The following KCNH1 variants were observed in gnomAD, a reference collection of about 807,000 sequenced individuals.
KCNH1 encodes potassium voltage-gated channel subfamily H member 1, also known as voltage-gated delayed rectifier potassium channel KCNH1.
In KCNH1, 27 loss-of-function variants were observed where a neutral mutation model predicts 69.2. That is an observed-to-expected ratio of 0.39 (90% CI 0.29 to 0.54). The LOEUF is 0.54. Ranked by LOEUF, KCNH1 falls within the 20% of genes least tolerant of loss-of-function variation. KCNH1 has a pLI of 0.68. For synonymous variants in KCNH1, 456 were observed against 487.7 expected (o/e 0.93, Z 0.86); for missense variants, 798 against 1,261.6 (o/e 0.63, Z 5.57).
intron 7 of KCNH1, among the ~76,000 whole-genome samples, chr1:210,831,966 A>AT (rs1013980635): frequency 7.5e-5 from 8 of 107,262 alleles, no homozygotes; most frequent in Admixed American, 1.8e-4. Flanking sequence ...CTGAGGAACA[A>AT]TTTTTTTTAT....
intron 5 of KCNH1, among the ~76,000 whole-genome samples, chr1:211,030,622 A>G (rs1036084509): frequency 3.9e-5 from 6 of 152,136 alleles, no homozygotes; most frequent in African/African-American, 1.4e-4. Flanking sequence ...TGGATTGTGG[A>G]CTTAAATATA....
rs534382322 is a variant in KCNH1, at chr1:211,056,005, G to C, written c.558+26775C>G. On this transcript the variant is annotated intron_variant, in intron 5 of 10. Coordinates refer to ENST00000271751, the MANE Select transcript of KCNH1 (RefSeq NM_172362.3). ...GAACATATCCAGCTGTGGTGGCTAT[G>C]GGGAGAGTCTCCTTTTGCTTGAGGA... is the stretch of plus-strand genomic sequence containing the variant. Among the ~76,000 whole-genome samples, 41 of 152,270 alleles carry C rather than the reference G, an allele frequency of 2.7e-4. No individual in the cohort carries two copies. The East Asian group carries it at 4.5e-3, about 17-fold the overall frequency.
chr1:210,895,126 A>G (rs1194990536), intron 7 of KCNH1, among the ~76,000 whole-genome samples: 1 of 145,982 alleles, frequency 6.9e-6, no homozygotes, highest in Non-Finnish European at 1.5e-5. Context: ...GTATTGTTTT[A>G]TATATTTTGT....
intron 7 of KCNH1, among the ~76,000 whole-genome samples, chr1:210,819,147 A>T (rs2102423849): frequency 6.6e-6 from 1 of 151,562 alleles, no homozygotes; most frequent in East Asian, 1.9e-4. Flanking sequence ...CTAATGATTT[A>T]AAAAAAAATA....
At chr1:210,839,126 A>C (rs1685352463) in intron 7 of KCNH1, among the ~76,000 whole-genome samples, 1 of 152,246 alleles carries the variant, frequency 6.6e-6, no homozygotes, top group African/African-American at 2.4e-5. Context: ...TCATTGCAGC[A>C]GCATTCACAA....
intron 4 of KCNH1, 130 bp downstream of exon 4, chr1:211,090,432 T>G: frequency 1.3e-6 from 1 of 757,896 alleles, no homozygotes; most frequent in Non-Finnish European, 2.1e-6. Flanking sequence ...TGCTTTGCTC[T>G]ATACAAATTA....
At chr1:211,057,008 G>A (rs946816641) in intron 5 of KCNH1, among the ~76,000 whole-genome samples, 1 of 152,120 alleles carries the variant, frequency 6.6e-6, no homozygotes, top group African/African-American at 2.4e-5. Flanking sequence ...CCAGTAAAAT[G>A]CGACCTCACC....
chr1:210,789,085 G>A (rs1406647829), intron 9 of KCNH1, among the ~76,000 whole-genome samples: 2 of 152,084 alleles, frequency 1.3e-5, no homozygotes, highest in African/African-American at 4.8e-5. Flanking sequence ...AGTGTTTAGG[G>A]TGACACTGAC....
intron 1 of KCNH1, among the ~76,000 whole-genome samples, chr1:211,110,935 T>C (rs1369157887): frequency 6.6e-6 from 1 of 152,056 alleles, no homozygotes; most frequent in Non-Finnish European, 1.5e-5. Flanking sequence ...AAAGCTAAAA[T>C]TAGAAGCCAT....
intron 1 of KCNH1, among the ~76,000 whole-genome samples, chr1:211,125,347 G>C (rs1399617136): frequency 1.3e-5 from 2 of 152,122 alleles, no homozygotes; most frequent in African/African-American, 2.4e-5. Flanking sequence ...CAGTACCTTG[G>C]CCCACACAGA....
At chr1:210,810,905 G>A (rs947860383) in intron 7 of KCNH1, among the ~76,000 whole-genome samples, 1 of 152,128 alleles carries the variant, frequency 6.6e-6, no homozygotes, top group African/African-American at 2.4e-5. Flanking sequence ...AGCTTTAAGT[G>A]AATGAGTAGA....
At chr1:211,089,586 T>C (rs1691016813) in intron 4 of KCNH1, among the ~76,000 whole-genome samples, 1 of 152,142 alleles carries the variant, frequency 6.6e-6, no homozygotes, top group Non-Finnish European at 1.5e-5. Flanking sequence ...TTTTATTTCC[T>C]CCTATAATGC....
At chr1:210,870,474 T>C (rs2102494016) in intron 7 of KCNH1, among the ~76,000 whole-genome samples, 1 of 152,308 alleles carries the variant, frequency 6.6e-6, no homozygotes, top group East Asian at 1.9e-4. Context: ...GCCTCTTTTT[T>C]CCCCTACTGT....
intron 10 of KCNH1, among the ~76,000 whole-genome samples, chr1:210,722,947 T>C (rs2149027476): frequency 6.6e-6 from 1 of 152,332 alleles, no homozygotes; most frequent in South Asian, 2.1e-4. Context: ...CTGGGGTTAA[T>C]GTGCTTCCCG....
chr1:211,018,035 C>T (rs1469229412), intron 6 of KCNH1, among the ~76,000 whole-genome samples: 3 of 152,086 alleles, frequency 2.0e-5, no homozygotes, highest in Non-Finnish European at 2.9e-5. Context: ...AAGCCTGGCA[C>T]CTCCTCTTCC....
At chr1:211,090,716 C>G in intron 3 of KCNH1, 26 bp from the exon 4 acceptor site, 1 of 1,586,780 alleles carries the variant, frequency 6.3e-7, no homozygotes, top group Non-Finnish European at 8.5e-7. Flanking sequence ...AAAGGTTGGT[C>G]AGTAATTTGC....
chr1:210,812,686 C>T (rs1164135121), intron 7 of KCNH1, among the ~76,000 whole-genome samples: 1 of 152,200 alleles, frequency 6.6e-6, no homozygotes, highest in East Asian at 1.9e-4. Context: ...TTAACACATA[C>T]ATTATTGGCA....
intron 7 of KCNH1, among the ~76,000 whole-genome samples, chr1:210,903,724 A>C (rs1419607356): frequency 6.6e-6 from 1 of 152,196 alleles, no homozygotes; most frequent in Non-Finnish European, 1.5e-5. Context: ...TTTCTCCACT[A>C]AAGACCTCTC....
intron 10 of KCNH1, among the ~76,000 whole-genome samples, chr1:210,719,808 A>T (rs1014744088): frequency 6.6e-6 from 1 of 152,240 alleles, no homozygotes; most frequent in South Asian, 2.1e-4. Context: ...CTCTTGGTGA[A>T]CATTGATTGC....
Sources: allele counts gnomAD v4.1 joint callset (sites outside exome capture counted in the v4.1 genomes callset), GRCh38; gene constraint gnomAD v4.1.1; transcripts MANE v1.5; gene names NCBI Gene and HGNC (gene_info 2026-07-23, HGNC 2026-07-21).